KLF15: variants seen among roughly 807,000 people sequenced by gnomAD.
KLF15 encodes the protein Krueppel-like factor 15.
KLF15 carries 4 observed loss-of-function variants against 24.6 expected under a neutral mutation model. That is an observed-to-expected ratio of 0.16 (90% CI 0.08 to 0.37). KLF15 has a LOEUF of 0.37. KLF15 is among the 10% of genes least tolerant of loss of function. The probability of loss-of-function intolerance (pLI) is 1.00; values close to 1 mark genes in which losing one functional copy is unlikely to be tolerated. For synonymous variants in KLF15, 246 were observed against 236.3 expected (o/e 1.04, Z -0.37); for missense variants, 496 against 560.6 (o/e 0.88, Z 1.16).
chr3:126,300,427 G>A, the KLF15 span, among the ~76,000 whole-genome samples: 1 of 152,202 alleles, frequency 6.6e-6, no homozygotes, highest in African/African-American at 2.4e-5. Context: ...GGGGACTACC[G>A]GGTGCCCCCA....
At chr3:126,345,340 C>T (rs530234892) in intron 2 of KLF15, among the ~76,000 whole-genome samples, 17 of 152,150 alleles carry the variant, frequency 1.1e-4, no homozygotes, top group African/African-American at 2.9e-4. Context: ...TCTTGGTTCC[C>T]GGTGGTCTTC....
Position 126,357,356 on chromosome 3 carries a change from T to C in KLF15, c.-145A>G, listed in dbSNP as rs1438899075. 6.8e-6 allele frequency: 1 copy of C among 146,208 alleles called. No homozygotes were observed. The highest frequency in any genetic ancestry group is 2.5e-5 in the African/African-American group (1 of 40,442). 9.1% of individuals were successfully genotyped at this position (146,208 alleles called of 1,614,324 possible). ...CGGCGGCCGGGGGCCGAGCCGCGGG[T>C]CCTGCGCTGGCTCGATCGCCCGCCG... On this transcript the variant is annotated 5_prime_UTR_variant, in exon 1 of 3. Transcript: ENST00000296233.
intron 1 of KLF15, 41 bp from the exon 2 acceptor site, chr3:126,352,988 T>G: frequency 6.5e-7 from 1 of 1,529,168 alleles, no homozygotes; most frequent in East Asian, 2.3e-5. Flanking sequence ...AGAAGGACAG[T>G]GCTCACCTGC....
In KLF15 at chr3:126,351,892, C is replaced by T; in HGVS notation, c.1031G>A (p.Arg344Gln). 6 of 1,614,092 alleles carry T rather than the reference C, an allele frequency of 3.7e-6. No homozygotes were observed. The highest frequency in any genetic ancestry group is 5.1e-6 in the Non-Finnish European group (6 of 1,179,994). The change falls in exon 2 of 3, where the codon CGG becomes CAG. Residue 344 changes from arginine to glutamine, a missense_variant. By Grantham distance (43) the Arg-to-Gln change is conservative. Coordinates refer to ENST00000296233, the MANE Select transcript of KLF15 (RefSeq NM_014079.4). The part of the protein sequence containing the change: ...KSSHLKAHLR[R>Q]HTGEKPFACT... ...GGCGAAGGGCTTCTCACCCGTGTGCCGGCGCAGGTGGGCCTTGAGGTGGCT... is the reference window on the plus strand; with the variant it reads ...GGCGAAGGGCTTCTCACCCGTGTGCTGGCGCAGGTGGGCCTTGAGGTGGCT...
the KLF15 span, among the ~76,000 whole-genome samples, chr3:126,317,376 A>G: frequency 6.6e-6 from 1 of 152,208 alleles, no homozygotes; most frequent in African/African-American, 2.4e-5. Context: ...GGTTGCAGCC[A>G]TCACCAGGGA....
the KLF15 span, among the ~76,000 whole-genome samples, chr3:126,297,065 C>T: frequency 7.4e-3 from 1,124 of 152,248 alleles, 16 homozygotes; most frequent in African/African-American, 0.025. Flanking sequence ...TGTGTCACTG[C>T]GCCTTAGTAA....
At chr3:126,342,598 C>A (rs945168422), downstream of KLF15, 2 of 152,528 alleles carry the variant, frequency 1.3e-5, no homozygotes, top group Non-Finnish European at 2.9e-5. Context: ...CTCCACATCC[C>A]GGCAAAGCAG....
At chr3:126,316,499 ACTGGGAGTGCATGAGCTGCAGT>A in the KLF15 span, among the ~76,000 whole-genome samples, 2 of 22,092 alleles carry the variant, frequency 9.1e-5, no homozygotes, top group East Asian at 8.9e-4. Context: ...CCGGAGTGGG[ACTGGGAGTGCATGAGCTGCAGT>A]GGGGAGGGAG....
At chr3:126,290,506 A>ATCTTCCTT in the KLF15 span, among the ~76,000 whole-genome samples, 1 of 144,604 alleles carries the variant, frequency 6.9e-6, no homozygotes, top group Non-Finnish European at 1.5e-5. Flanking sequence ...CTTCCTTCCT[A>ATCTTCCTT]CCTTCCTTCC....
intron 2 of KLF15, among the ~76,000 whole-genome samples, chr3:126,347,012 G>C (rs1185054120): frequency 1.3e-5 from 2 of 152,336 alleles, no homozygotes; most frequent in East Asian, 3.9e-4. Context: ...ATTCAAGAAT[G>C]ATGAGCTCTT....
chr3:126,340,766 C>T (rs1182698813), downstream of KLF15, among the ~76,000 whole-genome samples: 1 of 152,196 alleles, frequency 6.6e-6, no homozygotes, highest in Non-Finnish European at 1.5e-5. Flanking sequence ...CAGCACTCCC[C>T]TTCCAGCCAC....
chr3:126,341,519 G>T (rs2107548813), downstream of KLF15, among the ~76,000 whole-genome samples: 1 of 152,292 alleles, frequency 6.6e-6, no homozygotes, highest in African/African-American at 2.4e-5. Flanking sequence ...GAGTGTGTTT[G>T]CCCACAGAGG....
chr3:126,289,148 G>A, the KLF15 span, among the ~76,000 whole-genome samples: 1 of 152,174 alleles, frequency 6.6e-6, no homozygotes, highest in African/African-American at 2.4e-5. Context: ...ACCAATGTTA[G>A]AATCTTCTTA....
intron 2 of KLF15, among the ~76,000 whole-genome samples, chr3:126,344,850 G>A (rs915712882): frequency 3.9e-5 from 6 of 152,184 alleles, no homozygotes; most frequent in Admixed American, 1.3e-4. Flanking sequence ...CGCTTTCTTG[G>A]CCCTGCTGGC....
chr3:126,351,899 G>T lies in KLF15; in HGVS notation c.1024C>A (p.Leu342Met). 1 of 1,614,148 alleles carries T rather than the reference G, an allele frequency of 6.2e-7. No homozygotes were observed. The highest frequency in any genetic ancestry group is 8.5e-7 in the Non-Finnish European group (1 of 1,179,994). ...YTKSSHLKAH[L>M]RRHTGEKPFA... ...GGCTTCTCACCCGTGTGCCGGCGCA[G>T]GTGGGCCTTGAGGTGGCTGCTTTTG... is the stretch of plus-strand genomic sequence containing the variant. The change falls in exon 2 of 3, where the codon CTG becomes ATG. Residue 342 changes from leucine (L) to methionine (M), a missense_variant. Leu to Met is a conservative substitution (Grantham distance 15). Around this residue, in one of 3 missense-constraint regions of KLF15, gnomAD observed 59 missense variants for 106.1 expected, o/e 0.56. Coordinates refer to ENST00000296233, the MANE Select transcript of KLF15 (RefSeq NM_014079.4).
chr3:126,300,300 G>A, the KLF15 span, among the ~76,000 whole-genome samples: 5 of 152,224 alleles, frequency 3.3e-5, no homozygotes, highest in South Asian at 6.2e-4. Context: ...TTGCTGTGGC[G>A]TCCTGTGCCT....
intron 2 of KLF15, among the ~76,000 whole-genome samples, chr3:126,350,765 T>A (rs1303606725): frequency 1.3e-5 from 2 of 152,180 alleles, no homozygotes; most frequent in Admixed American, 6.5e-5. Flanking sequence ...GAAAGCAAGA[T>A]GCATACACAT....
the KLF15 span, among the ~76,000 whole-genome samples, chr3:126,318,326 A>G: frequency 6.6e-6 from 1 of 152,166 alleles, no homozygotes; most frequent in Non-Finnish European, 1.5e-5. Context: ...ATTCCCTTCC[A>G]TATGCCCAGG....
At chr3:126,326,292 G>A in the KLF15 span, among the ~76,000 whole-genome samples, 21 of 145,140 alleles carry the variant, frequency 1.4e-4, no homozygotes, top group South Asian at 1.9e-3. Flanking sequence ...TTGGCAATGC[G>A]GGCTCTTTTT....
Sources: gnomAD v4.1 joint callset for allele counts (sites outside exome capture counted in the v4.1 genomes callset) on GRCh38, gnomAD v4.1.1 for gene constraint, gnomAD v4.1.1 regional missense constraint, MANE v1.5 for transcripts, NCBI Gene and HGNC (gene_info 2026-07-23, HGNC 2026-07-21) for gene names.